ZNF500: variants seen among roughly 807,000 people sequenced by gnomAD.
The protein encoded by ZNF500 is zinc finger protein 500.
In ZNF500, 31 loss-of-function variants were observed where a neutral mutation model predicts 30.1. The observed-to-expected ratio is 1.03, with a 90% CI of 0.77 to 1.39. ZNF500 has a LOEUF of 1.39. ZNF500 is among the 40% of genes most tolerant of loss of function. The pLI, the probability that ZNF500 is intolerant of heterozygous loss-of-function variation, is 0.00. For missense variants in ZNF500, 817 were observed against 657.8 expected, an observed-to-expected ratio of 1.24 and a Z score of -2.65; for synonymous variants, 392 against 282.0, an observed-to-expected ratio of 1.39 and a Z score of -3.91.
At chr16:4,764,998 T>G (rs1358356705) in intron 2 of ZNF500, among the ~76,000 whole-genome samples, 2 of 151,550 alleles carry the variant, frequency 1.3e-5, no homozygotes, top group African/African-American at 4.9e-5. Context: ...CGGACCTCTC[T>G]CCCACCAAAA....
chr16:4,760,461 C>T (rs779870789), intron 5 of ZNF500, 31 bp downstream of exon 5: 9 of 1,602,838 alleles, frequency 5.6e-6, no homozygotes, highest in Non-Finnish European at 7.7e-6. Flanking sequence ...TTTGGCAAGC[C>T]CCCTAGAGGA....
chr16:4,752,792 G>T lies in ZNF500; in HGVS notation c.1027C>A (p.His343Asn). ...GFSKTSHLTK[H>N]QRTHTGERPY... The stretch of plus-strand genomic sequence containing the variant: ...CGCTCGCCCGTGTGTGTGCGCTGGT[G>T]CTTGGTCAAGTGGGACGTCTTGCTG... Residue 343 changes from histidine (H) to asparagine (N), a missense_variant, in exon 6 of 6, where the codon CAC (histidine) becomes AAC (asparagine). Coordinates refer to ENST00000219478, the MANE Select transcript of ZNF500 (RefSeq NM_021646.4). 6.2e-7 allele frequency: 1 copy of T among 1,614,262 alleles called. No individual in the cohort carries two copies. The highest frequency in any genetic ancestry group is 8.5e-7 in the Non-Finnish European group (1 of 1,180,038).
intron 4 of ZNF500, among the ~76,000 whole-genome samples, chr16:4,760,893 C>T (rs1374249112): frequency 6.6e-6 from 1 of 152,118 alleles, no homozygotes; most frequent in Non-Finnish European, 1.5e-5. Context: ...CAAGAGCATC[C>T]CCTGGCTCCG....
intron 5 of ZNF500, 93 bp from the exon 6 acceptor site, chr16:4,753,151 A>T (rs2082103405): frequency 8.2e-6 from 12 of 1,461,838 alleles, no homozygotes; most frequent in Non-Finnish European, 1.1e-5. Context: ...CAGGGCTCCT[A>T]AGGTTCCCCT....
chr16:4,753,899 C>A (rs779602754), intron 5 of ZNF500, among the ~76,000 whole-genome samples: 1 of 152,216 alleles, frequency 6.6e-6, no homozygotes, highest in Non-Finnish European at 1.5e-5. Context: ...GCCACTGGAC[C>A]TCCCTTGTCG....
Position 4,751,862 on chromosome 16 carries a change from C to T in ZNF500, c.*514G>A. The T allele has an allele frequency of 2.1e-6, 1 of 467,846 alleles. No homozygotes were observed. Among genetic ancestry groups the T allele is most frequent in the Non-Finnish European group, 3.7e-6 (1 of 270,620 alleles). The allele number at this position is 467,846 out of a possible 1,614,324, so 29.0% of individuals were successfully genotyped here. A position where few individuals can be genotyped will look rare whatever the true frequency, so the allele number is the denominator to read the frequency against. On this transcript the variant is annotated 3_prime_UTR_variant, in exon 6 of 6. Transcript: ENST00000219478. ...ATTCGAGGCTGCAGTGAGCTATGAT[C>T]ATGGCACTGTATTCCCGCCTGGGGG...
intron 5 of ZNF500, among the ~76,000 whole-genome samples, chr16:4,755,185 G>A (rs1320577519): frequency 6.6e-6 from 1 of 152,278 alleles, no homozygotes; most frequent in African/African-American, 2.4e-5. Flanking sequence ...CTAATACACA[G>A]GGCCTCACTA....
At position 4,762,275 on chromosome 16, in the gene ZNF500, G is replaced by C. The variant is rs1234159290; in HGVS notation, c.659C>G (p.Ser220Cys). ...GACCAGGAGCATCCCACTCACCTGG[G>C]ACCAGGCCGAAAGGAAGGGCGAGGC... ...ASASPFLSAW[S>C]QVPVNLEDVA... Residue 220 changes from serine (S) to cysteine (C), a missense_variant, in exon 4 of 6, where the codon TCC (serine) becomes TGC (cysteine). Coordinates refer to ENST00000219478, the MANE Select transcript of ZNF500 (RefSeq NM_021646.4). The C allele has an allele frequency of 6.2e-7, 1 of 1,611,364 alleles. No homozygotes were observed. The highest frequency in any genetic ancestry group is 1.7e-5 in the Admixed American group (1 of 59,682).
rs372457932 is a variant in ZNF500 at position 4,762,725 on chromosome 16, G to C, written c.446C>G (p.Pro149Arg). The C allele has an allele frequency of 8.1e-6, 13 of 1,612,060 alleles. No homozygotes were observed. The highest frequency in any genetic ancestry group is 2.7e-5 in the African/African-American group (2 of 74,890). Reference protein sequence around the residue: ...GSELLSDDEVPLGIGGQFLKH... With the variant: ...GSELLSDDEVRLGIGGQFLKH... Reference sequence around the variant, plus strand: ...TAAGAACTGTCCCCCTATCCCGAGGGGCACCTCGTCATCAGAAAGCAGCTC... The same window carrying C: ...TAAGAACTGTCCCCCTATCCCGAGGCGCACCTCGTCATCAGAAAGCAGCTC... Residue 149 changes from proline (P) to arginine (R), a missense_variant, in exon 3 of 6, where the codon CCC becomes CGC. Coordinates refer to ENST00000219478, the MANE Select transcript of ZNF500 (RefSeq NM_021646.4).
chr16:4,753,612 C>G (rs1360418497), intron 5 of ZNF500, among the ~76,000 whole-genome samples: 2 of 152,228 alleles, frequency 1.3e-5, no homozygotes, highest in Non-Finnish European at 2.9e-5. Context: ...CACCGGGCTG[C>G]TAAGTTACAG....
At position 4,749,061 on chromosome 16, in the gene ZNF500, G is replaced by GCAAGT. The variant is rs1213213310; in HGVS notation, c.*3310_*3314dup. The GCAAGT allele has an allele frequency of 1.3e-5, 2 of 152,416 alleles. No individual in the cohort carries two copies. Among genetic ancestry groups the GCAAGT allele is most frequent in the African/African-American group, 4.8e-5 (2 of 41,468 alleles). 9.4% of individuals were successfully genotyped at this position (152,416 alleles called of 1,614,324 possible). A position where few individuals can be genotyped will look rare whatever the true frequency, so the allele number is the denominator to read the frequency against. The stretch of plus-strand genomic sequence containing the variant: ...CCCAATGATGAGGGGCATTTTCATT[G>GCAAGT]CAAGTCAAAGGCAAGACAGGCTTCC... On this transcript the variant is annotated 3_prime_UTR_variant, in exon 6 of 6. Coordinates refer to ENST00000219478, the MANE Select transcript of ZNF500 (RefSeq NM_021646.4).
In ZNF500 at chr16:4,748,976, G is replaced by C. The variant is rs1017874607; in HGVS notation, c.*3400C>G. ...ACTGGCCGCCAAGATCAGGGCTACA[G>C]ATGTCTGCTCTCTGGACCCCACGTG... is the stretch of plus-strand genomic sequence containing the variant. On this transcript the variant is annotated 3_prime_UTR_variant, in exon 6 of 6. Transcript: ENST00000219478. The C allele has an allele frequency of 6.6e-6, 1 of 152,312 alleles. No individual in the cohort carries two copies. Among genetic ancestry groups the C allele is most frequent in the Admixed American group, 6.5e-5 (1 of 15,284 alleles). The allele number at this position is 152,312 out of a possible 1,614,324, so 9.4% of individuals were successfully genotyped here.
chr16:4,746,412 G>C, downstream of ZNF500: 1 of 1,613,378 alleles, frequency 6.2e-7, no homozygotes, highest in South Asian at 1.1e-5. Flanking sequence ...GGCTGGGCCA[G>C]GCCCGCAGCT....
In ZNF500 at chr16:4,766,073, G is replaced by C; in HGVS notation, c.-95C>G. 1 of 1,427,946 alleles carries C rather than the reference G, an allele frequency of 7.0e-7. No individual in the cohort carries two copies. The highest frequency in any genetic ancestry group is 9.3e-7 in the Non-Finnish European group (1 of 1,077,776). The allele number at this position is 1,427,946 out of a possible 1,614,324, so 88.5% of individuals were successfully genotyped here. ...GACACAGGAAGAGAGTTTTTTTCAG[G>C]GCCCTGTGGAGAGACGATAAAACCA... On this transcript the variant is annotated 5_prime_UTR_variant, in exon 2 of 6. Transcript: ENST00000219478.
chr16:4,764,399 C>T (rs1366604170), intron 2 of ZNF500, among the ~76,000 whole-genome samples: 6 of 151,884 alleles, frequency 4.0e-5, no homozygotes, highest in Non-Finnish European at 8.8e-5. Flanking sequence ...GGTGGCAGAT[C>T]CCTGTAATGC....
Position 4,752,983 on chromosome 16 carries a change from A to G in ZNF500, c.836T>C (p.Leu279Pro). The G allele has an allele frequency of 1.2e-6, 2 of 1,602,644 alleles. No homozygotes were observed. The highest frequency in any genetic ancestry group is 1.7e-6 in the Non-Finnish European group (2 of 1,175,448). Reference protein sequence around the residue: ...APLRMEWYRVLSARCQGPGHP... With the variant: ...APLRMEWYRVPSARCQGPGHP... ...GCCAGGCCCCTGGCATCGTGCCGAG[A>G]GCACTCGGTACCACTCCATTCTCAA... The change falls in exon 6 of 6, where the codon CTC becomes CCC. Residue 279 changes from leucine (L) to proline (P), a missense_variant. Physicochemically the swap from Leu to Pro is moderately conservative, Grantham distance 98 (BLOSUM62 -3). Coordinates refer to ENST00000219478, the MANE Select transcript of ZNF500 (RefSeq NM_021646.4).
Position 4,765,571 on chromosome 16 carries a change from C to G in ZNF500, c.408G>C (p.Arg136Ser). ...EGLQRKPRKH[R>S]QRGSELLSDD... ...TCAAAATGCCCCCACTCACCCGCTG[C>G]CTGTGTTTCCTGGGCTTCCGCTGCA... Residue 136 changes from arginine (R) to serine (S), a missense_variant, in exon 2 of 6, where the codon AGG becomes AGC. Arg to Ser is a moderately radical substitution (Grantham distance 110, BLOSUM62 -1). Transcript: ENST00000219478. 6.3e-7 allele frequency: 1 copy of G among 1,594,394 alleles called. No individual in the cohort carries two copies. Among genetic ancestry groups the G allele is most frequent in the Admixed American group, 1.7e-5 (1 of 58,142 alleles).
downstream of ZNF500, chr16:4,744,719 G>A: frequency 2.1e-6 from 2 of 967,936 alleles, no homozygotes; most frequent in Non-Finnish European, 3.0e-6. Context: ...AGTCCTCAGA[G>A]GGCTGAGTAG....
chr16:4,766,529 G>A (rs1040866631), intron 1 of ZNF500, among the ~76,000 whole-genome samples: 8 of 152,174 alleles, frequency 5.3e-5, no homozygotes, highest in African/African-American at 1.7e-4. Flanking sequence ...GCTGAGACAG[G>A]AGAATCGCTT....
Sources: allele counts gnomAD v4.1 joint callset (sites outside exome capture counted in the v4.1 genomes callset), GRCh38; gene constraint gnomAD v4.1.1; transcripts MANE v1.5; gene names NCBI Gene and HGNC (gene_info 2026-07-23, HGNC 2026-07-21).